TRAPPC12: variants seen among roughly 807,000 people sequenced by gnomAD.
TRAPPC12 encodes the protein trafficking protein particle complex subunit 12, also known as TPR repeat protein 15.
In TRAPPC12, 61 loss-of-function variants were observed where a neutral mutation model predicts 69.2. That is an observed-to-expected ratio of 0.88 (90% CI 0.72 to 1.09). The LOEUF is 1.09. Ranked by LOEUF, TRAPPC12 falls within the 50% of genes least tolerant of loss-of-function variation. The pLI is 0.00. For missense variants in TRAPPC12, 1,101 were observed against 1,016.4 expected, an observed-to-expected ratio of 1.08 and a Z score of -1.13; for synonymous variants, 469 against 438.9, an observed-to-expected ratio of 1.07 and a Z score of -0.86.
In TRAPPC12 at chr2:3,412,540, G is replaced by C. The variant is rs146000736; in HGVS notation, c.1165-9341G>C. 6.6e-3 allele frequency among the ~76,000 whole-genome samples: 1,005 copies of C among 152,282 alleles called. 10 individuals are homozygous for C. The highest frequency in any genetic ancestry group is 0.023 in the African/African-American group (950 of 41,558). ...CGCGCCACCGCACTCCAGCCTGGGT[G>C]ACAACAGCAAAACTCCGTCTCAAAA... On this transcript the variant is annotated intron_variant, in intron 3 of 11. Transcript: ENST00000324266.
Position 3,388,428 on chromosome 2 carries a change from C to CAG in TRAPPC12, c.806_807dup (p.Ala270ArgfsTer30). ...CGAACCCGTGGCCATGCGAGGGCCCCAGGCAGCTGCGCCCCCGGCGTCGCC... is the reference window on the plus strand; with the variant it reads ...CGAACCCGTGGCCATGCGAGGGCCCCAGAGGCAGCTGCGCCCCCGGCGTCGCC... On this transcript the variant is annotated frameshift_variant, in exon 2 of 12. Transcript: ENST00000324266. LOFTEE classifies it high-confidence loss of function. 6.2e-7 allele frequency: 1 copy of CAG among 1,606,446 alleles called. No homozygotes were observed. The highest frequency in any genetic ancestry group is 8.5e-7 in the Non-Finnish European group (1 of 1,176,890).
chr2:3,459,769 T>TTC, intron 7 of TRAPPC12, among the ~76,000 whole-genome samples: 1 of 152,314 alleles, frequency 6.6e-6, no homozygotes, highest in South Asian at 2.1e-4. Flanking sequence ...GGAACCGGCG[T>TTC]CTGCACCAGC....
chr2:3,435,292 GC>G (rs1172035568), intron 5 of TRAPPC12, among the ~76,000 whole-genome samples: 6 of 152,328 alleles, frequency 3.9e-5, no homozygotes, highest in African/African-American at 1.4e-4. Context: ...GGGATTACAG[GC>G]GTGAGCCACC....
Position 3,478,878 on chromosome 2 carries a change from C to G in TRAPPC12, c.1910C>G (p.Ala637Gly). ...AFLHLGQNNF[A>G]EAHRFFTEIL... ...CTTCACCTCGGGCAGAATAACTTTGCAGAAGCCCACAGGTTCTTCACAGAG... is the reference window on the plus strand; with the variant it reads ...CTTCACCTCGGGCAGAATAACTTTGGAGAAGCCCACAGGTTCTTCACAGAG... The change falls in exon 11 of 12, where the codon GCA becomes GGA. Residue 637 changes from alanine to glycine, a missense_variant. Ala to Gly is a moderately conservative substitution (Grantham distance 60). Transcript: ENST00000324266. 7 of 1,614,166 alleles carry G rather than the reference C, an allele frequency of 4.3e-6. No homozygotes were observed. Among genetic ancestry groups the G allele is most frequent in the Non-Finnish European group, 5.1e-6 (6 of 1,180,044 alleles).
Position 3,465,699 on chromosome 2 carries a change from C to T in TRAPPC12, c.1776+4C>T. 1 of 1,609,170 alleles carries T rather than the reference C, an allele frequency of 6.2e-7. No individual in the cohort carries two copies. The highest frequency in any genetic ancestry group is 1.1e-5 in the South Asian group (1 of 90,970). On this transcript the variant is annotated splice_donor_region_variant and intron_variant, in intron 9 of 11. Transcript: ENST00000324266. The stretch of plus-strand genomic sequence containing the variant: ...CATCGGCCGGATTTCCCTGCAGGTA[C>T]CTGTGCACGGTCAGACATGAGCCAG...
intron 9 of TRAPPC12, among the ~76,000 whole-genome samples, chr2:3,474,591 C>T (rs987061601): frequency 3.3e-5 from 5 of 152,230 alleles, no homozygotes; most frequent in African/African-American, 4.8e-5. Context: ...CCATGTGTTG[C>T]TCTTAAGGTC....
At chr2:3,393,205 C>G (rs1380584030) in intron 2 of TRAPPC12, among the ~76,000 whole-genome samples, 1 of 152,096 alleles carries the variant, frequency 6.6e-6, no homozygotes, top group Admixed American at 6.5e-5. Context: ...CCATTTGTGA[C>G]TATATGCATG....
At chr2:3,438,767 C>T (rs573842087) in intron 5 of TRAPPC12, among the ~76,000 whole-genome samples, 6 of 152,122 alleles carry the variant, frequency 3.9e-5, no homozygotes, top group South Asian at 4.2e-4. Context: ...CTTGATAGTA[C>T]GTTTCTTATC....
chr2:3,419,504 A>T (rs998717285), intron 3 of TRAPPC12, among the ~76,000 whole-genome samples: 3 of 152,192 alleles, frequency 2.0e-5, no homozygotes, highest in Admixed American at 6.5e-5. Context: ...TAGTCTGGAC[A>T]GTTTAGGGGA....
Position 3,388,195 on chromosome 2 carries a change from C to T in TRAPPC12, c.572C>T (p.Ala191Val). 2.5e-6 allele frequency: 4 copies of T among 1,609,308 alleles called. No individual in the cohort carries two copies. The highest frequency in any genetic ancestry group is 3.4e-6 in the Non-Finnish European group (4 of 1,177,968). The change falls in exon 2 of 12, where the codon GCC becomes GTC. Residue 191 changes from alanine to valine, a missense_variant. Transcript: ENST00000324266. ...CCCAGCTTCGGTGGCGCCAGCGAGG[C>T]CTCGGCCAGGACACCGCCCCAGGTC... ...KSPSFGGASEASARTPPQVVQ... is the reference protein window; with the variant it reads ...KSPSFGGASEVSARTPPQVVQ...
rs544941850 is a variant in TRAPPC12 at position 3,453,639 on chromosome 2, T to C, written c.1531-3982T>C. Among the ~76,000 whole-genome samples the C allele has an allele frequency of 4.6e-5, 7 of 152,280 alleles. No homozygotes were observed. In the East Asian group the frequency reaches 1.4e-3, roughly 29 times the overall value. ...GTGGCGTGCTGGGCCTTTATTCTTC[T>C]GGGACACAAACACGGGACTGCTGAT... On this transcript the variant is annotated intron_variant, in intron 6 of 11. Coordinates refer to ENST00000324266, the MANE Select transcript of TRAPPC12 (RefSeq NM_016030.6).
At chr2:3,455,519 T>C (rs951086177) in intron 6 of TRAPPC12, 4 of 152,196 alleles carry the variant, frequency 2.6e-5, no homozygotes, top group Admixed American at 1.3e-4. Flanking sequence ...GTTCCCAGCC[T>C]CTGGTAACCA....
At chr2:3,434,946 G>A (rs2103080221) in intron 5 of TRAPPC12, among the ~76,000 whole-genome samples, 1 of 152,344 alleles carries the variant, frequency 6.6e-6, no homozygotes, top group Admixed American at 6.5e-5. Context: ...GGACTGGCCG[G>A]TGCAGCAGGA....
At chr2:3,401,028 A>C (rs887695408) in intron 2 of TRAPPC12, among the ~76,000 whole-genome samples, 2 of 152,228 alleles carry the variant, frequency 1.3e-5, no homozygotes, top group Non-Finnish European at 2.9e-5. Context: ...CACCGTCTAA[A>C]GATCGTTCTA....
At chr2:3,434,966 C>T (rs1420720973) in intron 5 of TRAPPC12, among the ~76,000 whole-genome samples, 1 of 152,210 alleles carries the variant, frequency 6.6e-6, no homozygotes, top group African/African-American at 2.4e-5. Context: ...AGGAGCCGAT[C>T]ACCCTCTGTG....
intron 2 of TRAPPC12, among the ~76,000 whole-genome samples, chr2:3,395,934 T>A (rs1661103279): frequency 6.6e-6 from 1 of 152,210 alleles, no homozygotes; most frequent in African/African-American, 2.4e-5. Flanking sequence ...TTTGCCATGT[T>A]GGTCAGGCTG....
intron 9 of TRAPPC12, among the ~76,000 whole-genome samples, chr2:3,474,498 A>C (rs79088808): frequency 1.5e-3 from 236 of 152,274 alleles, no homozygotes; most frequent in Admixed American, 2.4e-3. Flanking sequence ...TTAAATTGAC[A>C]CTCAGTATTA....
chr2:3,403,867 C>G (rs527939164), intron 3 of TRAPPC12, among the ~76,000 whole-genome samples: 1 of 152,302 alleles, frequency 6.6e-6, no homozygotes, highest in African/African-American at 2.4e-5. Context: ...TAGCCTGTCC[C>G]CATTCTGCCA....
At chr2:3,411,067 A>T (rs1558359751) in intron 3 of TRAPPC12, among the ~76,000 whole-genome samples, 1 of 152,220 alleles carries the variant, frequency 6.6e-6, no homozygotes, top group African/African-American at 2.4e-5. Context: ...AATTGAGTTC[A>T]CTGGGCTTTG....
Sources: gnomAD v4.1 joint callset for allele counts (sites outside exome capture counted in the v4.1 genomes callset) on GRCh38, gnomAD v4.1.1 for gene constraint, MANE v1.5 for transcripts, NCBI Gene and HGNC (gene_info 2026-07-23, HGNC 2026-07-21) for gene names.